Variants in SEMA5A observed in about 807,000 individuals in gnomAD.
The protein encoded by SEMA5A is semaphorin-5A.
Under a neutral mutation model 135.5 loss-of-function variants are expected in SEMA5A, and 55 were observed. The observed-to-expected ratio is 0.41, with a 90% CI of 0.33 to 0.51. SEMA5A has a LOEUF of 0.51. SEMA5A is among the 20% of genes least tolerant of loss of function. The probability of loss-of-function intolerance (pLI) is 0.37; values close to 1 mark genes in which losing one functional copy is unlikely to be tolerated. For synonymous variants in SEMA5A, 580 were observed against 546.5 expected, an observed-to-expected ratio of 1.06 and a Z score of -0.85; for missense variants, 1,290 against 1,419.9, an observed-to-expected ratio of 0.91 and a Z score of 1.47.
intron 1 of SEMA5A, among the ~76,000 whole-genome samples, chr5:9,505,314 G>A (rs1424192348): frequency 6.6e-6 from 1 of 152,060 alleles, no homozygotes; most frequent in Admixed American, 6.5e-5. Context: ...ATTTGGGCTT[G>A]GTTTTTCCTG....
chr5:9,159,493 A>G (rs1392831622), intron 11 of SEMA5A, among the ~76,000 whole-genome samples: 2 of 152,290 alleles, frequency 1.3e-5, no homozygotes, highest in East Asian at 3.9e-4. Context: ...GTGCAAATCG[A>G]AACCAAAATG....
chr5:9,417,809 G>C (rs1272401394), intron 2 of SEMA5A, among the ~76,000 whole-genome samples: 1 of 152,142 alleles, frequency 6.6e-6, no homozygotes, highest in Non-Finnish European at 1.5e-5. Flanking sequence ...CAAGTGGCTT[G>C]AACAAGAGAA....
chr5:9,413,391 A>T (rs1406970465), intron 2 of SEMA5A, among the ~76,000 whole-genome samples: 1 of 152,204 alleles, frequency 6.6e-6, no homozygotes, highest in Non-Finnish European at 1.5e-5. Context: ...AAAGATTTTG[A>T]AAGTTTAGGC....
chr5:9,141,048 G>T (rs1742041444), intron 12 of SEMA5A, among the ~76,000 whole-genome samples: 1 of 152,122 alleles, frequency 6.6e-6, no homozygotes, highest in Non-Finnish European at 1.5e-5. Flanking sequence ...CCTTTAAAAT[G>T]TTAAAATGTC....
chr5:9,107,437 A>G (rs1189295958), intron 16 of SEMA5A, among the ~76,000 whole-genome samples: 1 of 151,850 alleles, frequency 6.6e-6, no homozygotes, highest in Non-Finnish European at 1.5e-5. Context: ...ATGGCTCCAT[A>G]TAGTTTCTCA....
intron 5 of SEMA5A, among the ~76,000 whole-genome samples, chr5:9,243,616 G>C (rs949261386): frequency 6.6e-6 from 1 of 152,078 alleles, no homozygotes; most frequent in African/African-American, 2.4e-5. Flanking sequence ...CAAAATAATG[G>C]TAACAATTTA....
intron 1 of SEMA5A, among the ~76,000 whole-genome samples, chr5:9,493,975 G>A (rs181477214): frequency 6.6e-6 from 1 of 152,256 alleles, no homozygotes; most frequent in East Asian, 1.9e-4. Context: ...TTTCCAGCAT[G>A]TGCTAAATAT....
intron 11 of SEMA5A, among the ~76,000 whole-genome samples, chr5:9,168,015 A>G (rs115227046): frequency 3.3e-5 from 5 of 152,278 alleles, no homozygotes; most frequent in African/African-American, 1.2e-4. Flanking sequence ...TAAAAATTCT[A>G]TAGGTGTCCA....
chr5:9,139,210 C>T lies in SEMA5A; in HGVS notation c.1482-2589G>A, dbSNP rs183338670. Among the ~76,000 whole-genome samples, 128 of 152,312 alleles carry T rather than the reference C, an allele frequency of 8.4e-4. 1 individual carries two copies. The highest frequency in any genetic ancestry group is 2.9e-3 in the African/African-American group (120 of 41,570). On this transcript the variant is annotated intron_variant, in intron 12 of 22. Coordinates refer to ENST00000382496, the MANE Select transcript of SEMA5A (RefSeq NM_003966.3). ...TAGTAATTGTACTAGTTTACATTCC[C>T]ACCAGCAGTGTAAATTTCCCCTTTA...
chr5:9,077,607 T>G (rs1450642794), intron 16 of SEMA5A, among the ~76,000 whole-genome samples: 1 of 152,234 alleles, frequency 6.6e-6, no homozygotes, highest in Non-Finnish European at 1.5e-5. Flanking sequence ...TCATGCATCA[T>G]GAACCTTTAT....
At chr5:9,277,432 A>C (rs1750318940) in intron 5 of SEMA5A, among the ~76,000 whole-genome samples, 1 of 152,214 alleles carries the variant, frequency 6.6e-6, no homozygotes, top group African/African-American at 2.4e-5. Context: ...CTAGAACTAG[A>C]AATACCATTT....
chr5:9,271,802 C>G (rs558884310), intron 5 of SEMA5A, among the ~76,000 whole-genome samples: 1 of 152,234 alleles, frequency 6.6e-6, no homozygotes, highest in Non-Finnish European at 1.5e-5. Context: ...CCAAGGGAAG[C>G]CATTAGGGAT....
chr5:9,349,305 A>C (rs1754010408), intron 3 of SEMA5A, among the ~76,000 whole-genome samples: 1 of 152,244 alleles, frequency 6.6e-6, no homozygotes, highest in Admixed American at 6.5e-5. Flanking sequence ...GGGCAGCACA[A>C]TAATTCATGT....
At chr5:9,424,003 G>C (rs1207725685) in intron 2 of SEMA5A, among the ~76,000 whole-genome samples, 1 of 152,182 alleles carries the variant, frequency 6.6e-6, no homozygotes, top group Admixed American at 6.5e-5. Context: ...GTGCAGTGTG[G>C]AGTGAGAACA....
chr5:9,280,133 G>A (rs1009500), intron 5 of SEMA5A, among the ~76,000 whole-genome samples: 59,930 of 151,898 alleles, frequency 0.39, 12,022 homozygotes, highest in South Asian at 0.45. Context: ...AAAAAATACC[G>A]ATGTCAAAAG....
chr5:9,461,340 A>C (rs1759050273), intron 1 of SEMA5A, among the ~76,000 whole-genome samples: 1 of 152,232 alleles, frequency 6.6e-6, no homozygotes, highest in Non-Finnish European at 1.5e-5. Flanking sequence ...ATAACTTAGG[A>C]AAAAGCAAAT....
intron 5 of SEMA5A, among the ~76,000 whole-genome samples, chr5:9,249,210 T>A (rs1748644073): frequency 6.6e-6 from 1 of 152,176 alleles, no homozygotes; most frequent in Non-Finnish European, 1.5e-5. Context: ...GAGTAGAAAT[T>A]GTGTTTGTGT....
At chr5:9,154,864 A>G (rs1179629550) in intron 11 of SEMA5A, among the ~76,000 whole-genome samples, 169 bp from the exon 12 acceptor site, 1 of 152,178 alleles carries the variant, frequency 6.6e-6, no homozygotes, top group Non-Finnish European at 1.5e-5. Flanking sequence ...CAGTTAGGTC[A>G]GCTGCACTGG....
rs73038894 is a variant in SEMA5A at position 9,185,634 on chromosome 5, T to C, written c.1273+4633A>G. 1.4e-3 allele frequency among the ~76,000 whole-genome samples: 207 copies of C among 152,320 alleles called. 2 individuals carry two copies. Among genetic ancestry groups the C allele is most frequent in the African/African-American group, 4.8e-3 (199 of 41,574 alleles). ...AGATATAATTTGCATGCCATAAAATTCACCCACTGATTTTTAGTATATTCT... is the reference window on the plus strand; with the variant it reads ...AGATATAATTTGCATGCCATAAAATCCACCCACTGATTTTTAGTATATTCT... On this transcript the variant is annotated intron_variant, in intron 11 of 22. Coordinates refer to ENST00000382496, the MANE Select transcript of SEMA5A (RefSeq NM_003966.3).
Sources: gnomAD v4.1 joint callset for allele counts (sites outside exome capture counted in the v4.1 genomes callset) on GRCh38, gnomAD v4.1.1 for gene constraint, MANE v1.5 for transcripts, NCBI Gene and HGNC (gene_info 2026-07-23, HGNC 2026-07-21) for gene names.